The following NRXN3 variants were observed in gnomAD, a reference collection of about 807,000 sequenced individuals.
NRXN3 encodes neurexin 3.
Under a neutral mutation model 137.6 loss-of-function variants are expected in NRXN3, and 32 were observed. The ratio of observed to expected loss-of-function variants is 0.23; its 90% CI spans 0.18 to 0.31. NRXN3 has a LOEUF of 0.31. Among genes scored for constraint, NRXN3 ranks in the 10% least tolerant of loss-of-function variants. The pLI is 1.00. For synonymous variants in NRXN3, 798 were observed against 784.5 expected (o/e 1.02, Z -0.29); for missense variants, 1,574 against 2,062.5 (o/e 0.76, Z 4.59).
chr14:79,405,841 G>A lies in NRXN3; in HGVS notation c.3263-61380G>A, dbSNP rs147182978. On this transcript the variant is annotated intron_variant, in intron 15 of 20. Transcript: ENST00000335750. ...TCTTATTAGAAACTCCCAATTTCTC[G>A]AACTCTAATCCAGGACCTTAGTACT... is the stretch of plus-strand genomic sequence containing the variant. Among the ~76,000 whole-genome samples, 25 of 152,124 alleles carry A rather than the reference G, an allele frequency of 1.6e-4. 1 individual carries two copies. In the East Asian group the frequency reaches 2.1e-3, roughly 13 times the overall value.
intron 15 of NRXN3, among the ~76,000 whole-genome samples, chr14:79,111,735 C>CA (rs1212843626): frequency 0.17 from 15,155 of 87,130 alleles, 2,781 homozygotes; most frequent in African/African-American, 0.47. Context: ...GACTCCATCT[C>CA]AAAAAAAAAA....
chr14:79,443,776 C>T (rs17109221), intron 15 of NRXN3, among the ~76,000 whole-genome samples: 30,678 of 152,168 alleles, frequency 0.2, 3,225 homozygotes, highest in Non-Finnish European at 0.22. Context: ...TCAACATCAG[C>T]TACTTCTCAT....
chr14:78,881,121 A>G (rs1367135300), intron 10 of NRXN3, among the ~76,000 whole-genome samples: 1 of 151,488 alleles, frequency 6.6e-6, no homozygotes, highest in Non-Finnish European at 1.5e-5. Context: ...CCCTTCCACC[A>G]TGATTGTAAG....
At position 79,666,542 on chromosome 14, in the gene NRXN3, A is replaced by G. The variant is rs778005117; in HGVS notation, c.3616+2593A>G. On this transcript the variant is annotated intron_variant, in intron 17 of 20. Coordinates refer to ENST00000335750, the MANE Select transcript of NRXN3 (RefSeq NM_001330195.2). ...AAAAACAGAGACCCAAGGAGGTGCT[A>G]TGCCCTTCCTAAGGTCACATAGCAA... is the stretch of plus-strand genomic sequence containing the variant. Among the ~76,000 whole-genome samples, 4 of 152,178 alleles carry G rather than the reference A, an allele frequency of 2.6e-5. No individual in the cohort carries two copies. The East Asian group carries it at 5.8e-4, about 22-fold the overall frequency.
At chr14:79,314,974 A>T (rs1266248028) in intron 15 of NRXN3, among the ~76,000 whole-genome samples, 1 of 152,158 alleles carries the variant, frequency 6.6e-6, no homozygotes, top group African/African-American at 2.4e-5. Context: ...TTTTGCCAGG[A>T]CGCCTGCTTA....
chr14:79,506,393 G>A (rs2096878937), intron 16 of NRXN3, among the ~76,000 whole-genome samples: 2 of 152,242 alleles, frequency 1.3e-5, no homozygotes, highest in Middle Eastern at 3.4e-3. Flanking sequence ...CCAAGAGCTG[G>A]TTATTATGCT....
At chr14:79,556,198 T>G (rs2097428000) in intron 16 of NRXN3, among the ~76,000 whole-genome samples, 1 of 152,174 alleles carries the variant, frequency 6.6e-6, no homozygotes, top group Non-Finnish European at 1.5e-5. Context: ...TGTCAATACC[T>G]ACAAACATGT....
At chr14:79,196,038 T>C (rs764918046) in intron 15 of NRXN3, among the ~76,000 whole-genome samples, 1 of 152,154 alleles carries the variant, frequency 6.6e-6, no homozygotes, top group Non-Finnish European at 1.5e-5. Flanking sequence ...AAATACCAGA[T>C]TGACATCCTC....
At chr14:78,978,350 A>G (rs1034915810) in intron 14 of NRXN3, among the ~76,000 whole-genome samples, 2 of 152,150 alleles carry the variant, frequency 1.3e-5, no homozygotes, top group African/African-American at 4.8e-5. Context: ...ATTCTCTGGC[A>G]TTGCCTTATG....
intron 15 of NRXN3, among the ~76,000 whole-genome samples, chr14:79,190,665 C>T (rs2064171650): frequency 6.6e-6 from 1 of 152,026 alleles, no homozygotes. Flanking sequence ...TCCAGTTACC[C>T]ATCCAGAGAA....
intron 16 of NRXN3, among the ~76,000 whole-genome samples, chr14:79,595,336 C>T (rs746232488): frequency 2.6e-5 from 4 of 152,150 alleles, no homozygotes; most frequent in Non-Finnish European, 5.9e-5. Context: ...CTTGAGTACA[C>T]TGGAGTTAGC....
At chr14:78,752,820 G>A (rs992502684) in intron 8 of NRXN3, among the ~76,000 whole-genome samples, 4 of 152,136 alleles carry the variant, frequency 2.6e-5, no homozygotes, top group African/African-American at 7.2e-5. Flanking sequence ...TTCACGCAGG[G>A]GGTTGTAAGC....
chr14:78,565,583 C>T (rs553152941), intron 4 of NRXN3, among the ~76,000 whole-genome samples: 1 of 152,302 alleles, frequency 6.6e-6, no homozygotes, highest in East Asian at 1.9e-4. Context: ...CCTCAATTTC[C>T]CCATTTGTAA....
chr14:78,381,287 A>G (rs1598023045), intron 4 of NRXN3, among the ~76,000 whole-genome samples: 1 of 152,224 alleles, frequency 6.6e-6, no homozygotes, highest in East Asian at 1.9e-4. Flanking sequence ...GGAAATTAAT[A>G]AACTTCATAA....
intron 19 of NRXN3, among the ~76,000 whole-genome samples, chr14:79,794,825 A>G (rs796181930): frequency 1.7e-4 from 26 of 152,334 alleles, no homozygotes; most frequent in African/African-American, 6.3e-4. Context: ...ATCCTGTGCC[A>G]TTGGGGCATC....
chr14:79,855,850 G>A (rs1212872113), intron 20 of NRXN3, among the ~76,000 whole-genome samples: 1 of 152,078 alleles, frequency 6.6e-6, no homozygotes, highest in Non-Finnish European at 1.5e-5. Flanking sequence ...ATGGTTTGAG[G>A]TAGGGTATTT....
intron 8 of NRXN3, among the ~76,000 whole-genome samples, chr14:78,757,970 T>C (rs1222362652): frequency 6.6e-6 from 1 of 152,208 alleles, no homozygotes; most frequent in African/African-American, 2.4e-5. Flanking sequence ...ACTGGAAAGC[T>C]CCTGGGTTAT....
chr14:79,668,215 CTCTT>C (rs1327127754), intron 17 of NRXN3, among the ~76,000 whole-genome samples: 1 of 152,076 alleles, frequency 6.6e-6, no homozygotes, highest in Admixed American at 6.6e-5. Flanking sequence ...TTAGAAAACT[CTCTT>C]TATATTTGAG....
intron 15 of NRXN3, among the ~76,000 whole-genome samples, chr14:79,004,728 A>G (rs557075361): frequency 6.6e-6 from 1 of 152,332 alleles, no homozygotes; most frequent in South Asian, 2.1e-4. Context: ...TGCTGCATTG[A>G]GAGAGCATCT....
Sources: allele counts gnomAD v4.1 joint callset (sites outside exome capture counted in the v4.1 genomes callset), GRCh38; gene constraint gnomAD v4.1.1; transcripts MANE v1.5; gene names NCBI Gene and HGNC (gene_info 2026-07-23, HGNC 2026-07-21).